PCDH9: variants seen among roughly 807,000 people sequenced by gnomAD.
PCDH9 encodes the protein protocadherin-9.
In PCDH9, 24 loss-of-function variants were observed where a neutral mutation model predicts 70.6. The ratio of observed to expected loss-of-function variants is 0.34; its 90% CI spans 0.25 to 0.48. The LOEUF is 0.48. Among genes scored for constraint, PCDH9 ranks in the 20% least tolerant of loss-of-function variants. PCDH9 has a pLI of 0.99. For synonymous variants in PCDH9, 562 were observed against 558.5 expected (o/e 1.01, Z -0.09); for missense variants, 1,281 against 1,503.6 (o/e 0.85, Z 2.45).
intron 4 of PCDH9, among the ~76,000 whole-genome samples, chr13:66,341,750 A>T (rs202197197): frequency 9.2e-4 from 3 of 3,252 alleles, no homozygotes; most frequent in Non-Finnish European, 0.05. Context: ...CTGTACTAAC[A>T]GGCACAGGAC....
intron 4 of PCDH9, among the ~76,000 whole-genome samples, chr13:66,550,686 A>G (rs1409666725): frequency 6.6e-6 from 1 of 152,204 alleles, no homozygotes; most frequent in Admixed American, 6.5e-5. Flanking sequence ...AGAAAAATAA[A>G]CTTTCATCTT....
At chr13:66,772,828 A>G (rs2079829246) in intron 3 of PCDH9, among the ~76,000 whole-genome samples, 2 of 152,134 alleles carry the variant, frequency 1.3e-5, no homozygotes, top group Admixed American at 6.5e-5. Flanking sequence ...TGGGCTATCA[A>G]TATTTATATT....
chr13:66,459,781 T>C (rs1379708902), intron 4 of PCDH9, among the ~76,000 whole-genome samples: 1 of 152,016 alleles, frequency 6.6e-6, no homozygotes, highest in Non-Finnish European at 1.5e-5. Context: ...TATCTGCATC[T>C]CATATCAGAT....
chr13:67,171,733 G>C (rs1347312111), intron 2 of PCDH9, among the ~76,000 whole-genome samples: 1 of 152,136 alleles, frequency 6.6e-6, no homozygotes, highest in Non-Finnish European at 1.5e-5. Context: ...TTGGAGACCT[G>C]TTTGAGGCGA....
chr13:67,103,874 A>G (rs2086483006), intron 2 of PCDH9, among the ~76,000 whole-genome samples: 1 of 152,176 alleles, frequency 6.6e-6, no homozygotes, highest in Non-Finnish European at 1.5e-5. Context: ...AGTTGTGTAC[A>G]TGGCTAAGTG....
intron 2 of PCDH9, among the ~76,000 whole-genome samples, chr13:66,993,265 A>G (rs1002438022): frequency 1.3e-5 from 2 of 152,228 alleles, no homozygotes; most frequent in Non-Finnish European, 2.9e-5. Flanking sequence ...ACAATTAACC[A>G]AGAAAATGGT....
chr13:66,917,477 A>G (rs547098675), intron 2 of PCDH9, among the ~76,000 whole-genome samples: 48 of 151,586 alleles, frequency 3.2e-4, no homozygotes, highest in African/African-American at 1.1e-3. Flanking sequence ...CAGAAACACT[A>G]ATCACTACAG....
intron 3 of PCDH9, among the ~76,000 whole-genome samples, chr13:66,633,717 C>T (rs977931466): frequency 2.6e-5 from 4 of 151,934 alleles, no homozygotes; most frequent in Non-Finnish European, 4.4e-5. Context: ...CTTGAATCTT[C>T]GTAAAGCATT....
intron 2 of PCDH9, among the ~76,000 whole-genome samples, chr13:67,051,442 G>C (rs1412586023): frequency 7.3e-6 from 1 of 136,436 alleles, no homozygotes; most frequent in African/African-American, 2.8e-5. Context: ...ACCCAGGCTG[G>C]AGTGCAGTGG....
intron 2 of PCDH9, among the ~76,000 whole-genome samples, chr13:67,132,699 A>T (rs570911298): frequency 1.5e-3 from 108 of 73,740 alleles, no homozygotes; most frequent in African/African-American, 4.4e-3. Flanking sequence ...ACATAGCATT[A>T]AAAAAAATAA....
intron 3 of PCDH9, among the ~76,000 whole-genome samples, chr13:66,705,610 TC>T (rs2078701145): frequency 6.6e-6 from 1 of 152,332 alleles, no homozygotes; most frequent in South Asian, 2.1e-4. Context: ...TTAAAATTTT[TC>T]AAGCAAAGAA....
At chr13:66,879,199 A>G (rs566065029) in intron 3 of PCDH9, among the ~76,000 whole-genome samples, 48 of 152,280 alleles carry the variant, frequency 3.2e-4, no homozygotes, top group African/African-American at 1.1e-3. Context: ...ATGCACAATT[A>G]TTAATTATAT....
At chr13:66,539,079 AC>A (rs1566401657) in intron 4 of PCDH9, among the ~76,000 whole-genome samples, 1 of 152,160 alleles carries the variant, frequency 6.6e-6, no homozygotes, top group Non-Finnish European at 1.5e-5. Flanking sequence ...AAATATATGT[AC>A]ATATATATTT....
At chr13:66,556,965 A>T (rs1409484156) in intron 4 of PCDH9, among the ~76,000 whole-genome samples, 3 of 152,136 alleles carry the variant, frequency 2.0e-5, no homozygotes, top group Non-Finnish European at 4.4e-5. Context: ...CTTCTTCACA[A>T]AGATAAAGGA....
In PCDH9 at chr13:66,322,126, G is replaced by A. The variant is rs563667131; in HGVS notation, c.3341-17098C>T. On this transcript the variant is annotated intron_variant, in intron 4 of 4. Coordinates refer to ENST00000377865, the MANE Select transcript of PCDH9 (RefSeq NM_203487.3). ...CTAAATTGGTGTCACATTATGGTTT[G>A]CTGTTTTCTTGAAGGACATGCTAGA... Among the ~76,000 whole-genome samples the A allele has an allele frequency of 3.2e-4, 48 of 151,862 alleles. 1 individual carries two copies. The highest frequency in any genetic ancestry group is 1.1e-3 in the African/African-American group (45 of 41,320).
intron 2 of PCDH9, among the ~76,000 whole-genome samples, chr13:66,947,424 A>C (rs917262154): frequency 1.3e-5 from 2 of 152,148 alleles, no homozygotes; most frequent in Non-Finnish European, 2.9e-5. Flanking sequence ...TTCTTTTTCC[A>C]AAAAATACCC....
intron 2 of PCDH9, among the ~76,000 whole-genome samples, chr13:66,943,112 C>T (rs1006736250): frequency 1.3e-5 from 2 of 152,008 alleles, no homozygotes; most frequent in African/African-American, 2.4e-5. Flanking sequence ...TACAACATAT[C>T]TTCATAGAGC....
chr13:66,825,257 T>C (rs1214342041), intron 3 of PCDH9: 1 of 150,880 alleles, frequency 6.6e-6, no homozygotes, highest in Non-Finnish European at 1.5e-5. Context: ...CTTACCGTAT[T>C]GGGGTAATAT....
intron 4 of PCDH9, among the ~76,000 whole-genome samples, chr13:66,536,339 A>G (rs1000815499): frequency 6.6e-6 from 1 of 152,116 alleles, no homozygotes. Flanking sequence ...AATAACAGCA[A>G]CAACAAAAAC....
Sources: allele counts gnomAD v4.1 joint callset (sites outside exome capture counted in the v4.1 genomes callset), GRCh38; gene constraint gnomAD v4.1.1; transcripts MANE v1.5; gene names NCBI Gene and HGNC (gene_info 2026-07-23, HGNC 2026-07-21).